Variants in ERC1 observed in about 807,000 individuals in gnomAD.
ERC1 encodes ELKS/RAB6-interacting/CAST family member 1.
Under a neutral mutation model 132.0 loss-of-function variants are expected in ERC1, and 56 were observed. The observed-to-expected ratio is 0.42, with a 90% CI of 0.34 to 0.53. The LOEUF (loss-of-function observed/expected upper bound fraction) is 0.53, where lower values mean the gene tolerates loss of function less well. Among genes scored for constraint, ERC1 ranks in the 20% least tolerant of loss-of-function variants. The pLI, the probability that ERC1 is intolerant of heterozygous loss-of-function variation, is 0.03. For synonymous variants in ERC1, 478 were observed against 476.1 expected (o/e 1.00, Z -0.05); for missense variants, 1,202 against 1,349.9 (o/e 0.89, Z 1.72).
intron 2 of ERC1, among the ~76,000 whole-genome samples, chr12:1,082,647 C>T (rs1222078437): frequency 4.0e-5 from 6 of 151,824 alleles, no homozygotes; most frequent in Non-Finnish European, 8.8e-5. Flanking sequence ...CACGCCACCA[C>T]GCCCGGCTAA....
chr12:1,267,264 G>A (rs953772403), intron 14 of ERC1, among the ~76,000 whole-genome samples: 3 of 152,122 alleles, frequency 2.0e-5, no homozygotes, highest in Non-Finnish European at 4.4e-5. Context: ...TTCCACGTGG[G>A]GATTCTATTT....
chr12:1,016,828 A>G (rs1483512237), intron 1 of ERC1, among the ~76,000 whole-genome samples: 1 of 147,840 alleles, frequency 6.8e-6, no homozygotes, highest in African/African-American at 2.5e-5. Context: ...GTTTTGTATT[A>G]TTAGTAGAGA....
rs536154740 is a variant in ERC1 at position 1,287,518 on chromosome 12, G to A, written c.2620-2334G>A. Among the ~76,000 whole-genome samples the A allele has an allele frequency of 6.6e-5, 10 of 152,298 alleles. No individual in the cohort carries two copies. In the East Asian group the frequency reaches 1.7e-3, roughly 26 times the overall value. On this transcript the variant is annotated intron_variant, in intron 14 of 18. Coordinates refer to ENST00000360905, the MANE Select transcript of ERC1 (RefSeq NM_178040.4). ...GGATTGCCCTCCCTGATGTGGGTGG[G>A]CCTTATCCAGTCAGTTAAAGGCCTG...
intron 8 of ERC1, among the ~76,000 whole-genome samples, chr12:1,173,348 A>G: frequency 6.6e-6 from 1 of 152,156 alleles, no homozygotes; most frequent in East Asian, 1.9e-4. Flanking sequence ...TGCTTCTGTA[A>G]TCTACCTCCC....
chr12:1,182,901 A>C (rs1426990577), intron 10 of ERC1, among the ~76,000 whole-genome samples: 1 of 152,158 alleles, frequency 6.6e-6, no homozygotes, highest in Admixed American at 6.5e-5. Flanking sequence ...TCCTGGCCTC[A>C]AGTGATCCCC....
intron 12 of ERC1, among the ~76,000 whole-genome samples, chr12:1,201,372 GT>G (rs1306619345): frequency 6.6e-6 from 1 of 152,102 alleles, no homozygotes; most frequent in Non-Finnish European, 1.5e-5. Flanking sequence ...GAATAAAATT[GT>G]TTTGTTGAAT....
At chr12:1,077,191 T>C (rs1565918656) in intron 2 of ERC1, among the ~76,000 whole-genome samples, 1 of 152,252 alleles carries the variant, frequency 6.6e-6, no homozygotes, top group East Asian at 1.9e-4. Flanking sequence ...TGATATATTT[T>C]GTTTGTAATC....
chr12:1,219,398 C>T (rs1259304134), intron 12 of ERC1, among the ~76,000 whole-genome samples: 8 of 152,174 alleles, frequency 5.3e-5, no homozygotes, highest in Non-Finnish European at 2.9e-5. Context: ...CTACCATTCA[C>T]TCATTGTGCA....
At chr12:1,050,716 A>G (rs1971800370) in intron 2 of ERC1, among the ~76,000 whole-genome samples, 1 of 152,224 alleles carries the variant, frequency 6.6e-6, no homozygotes, top group Non-Finnish European at 1.5e-5. Flanking sequence ...ATAAAAAATG[A>G]AAGTGTAAAT....
chr12:1,107,312 G>A (rs920070779), intron 4 of ERC1, among the ~76,000 whole-genome samples: 3 of 152,156 alleles, frequency 2.0e-5, no homozygotes, highest in African/African-American at 7.2e-5. Context: ...AAAGCAGAGC[G>A]AGTGATTGGG....
intron 2 of ERC1, among the ~76,000 whole-genome samples, chr12:1,034,422 A>T (rs1268340410): frequency 1.3e-5 from 2 of 151,986 alleles, no homozygotes; most frequent in South Asian, 2.1e-4. Context: ...AAAAATAAAT[A>T]AAAAAATAAA....
chr12:1,102,991 C>G (rs763248938), intron 3 of ERC1, among the ~76,000 whole-genome samples: 5 of 152,188 alleles, frequency 3.3e-5, no homozygotes, highest in Non-Finnish European at 5.9e-5. Flanking sequence ...TGCCACACTT[C>G]CTCCATGTAT....
chr12:1,009,290 T>C (rs545803596), intron 1 of ERC1, among the ~76,000 whole-genome samples: 1 of 152,052 alleles, frequency 6.6e-6, no homozygotes, highest in African/African-American at 2.4e-5. Context: ...TTCTCCTGCC[T>C]CAGCCTCCCG....
At chr12:1,474,198 A>G (rs1319081844) in intron 18 of ERC1, among the ~76,000 whole-genome samples, 2 of 152,198 alleles carry the variant, frequency 1.3e-5, no homozygotes, top group Admixed American at 6.5e-5. Flanking sequence ...CTCAGACCTC[A>G]TGGCCTGTGA....
intron 16 of ERC1, among the ~76,000 whole-genome samples, chr12:1,374,824 A>ATTTTTTTT (rs5795968): frequency 2.6e-4 from 33 of 124,546 alleles, no homozygotes; most frequent in South Asian, 1.9e-3. Context: ...ACAGGCTGGG[A>ATTTTTTTT]TTTTTTTTTT....
intron 15 of ERC1, among the ~76,000 whole-genome samples, chr12:1,360,401 C>G (rs888176300): frequency 6.6e-6 from 1 of 152,148 alleles, no homozygotes; most frequent in Non-Finnish European, 1.5e-5. Context: ...TTTACACTTA[C>G]TTCATTGGGG....
intron 15 of ERC1, among the ~76,000 whole-genome samples, chr12:1,290,856 C>T (rs192653839): frequency 2.5e-4 from 38 of 152,114 alleles, no homozygotes; most frequent in African/African-American, 8.9e-4. Context: ...CTTCATAAGG[C>T]CAGATTCTTC....
At chr12:1,104,668 C>A in intron 3 of ERC1, 82 bp from the exon 4 acceptor site, 1 of 928,234 alleles carries the variant, frequency 1.1e-6, no homozygotes, top group Non-Finnish European at 1.8e-6. Flanking sequence ...TGATCTTTTG[C>A]ATACATCGGC....
intron 15 of ERC1, among the ~76,000 whole-genome samples, chr12:1,326,569 G>A (rs2082458587): frequency 6.6e-6 from 1 of 152,178 alleles, no homozygotes; most frequent in Admixed American, 6.5e-5. Flanking sequence ...GAAGAATTTA[G>A]AACAGACTAG....
Sources: gnomAD v4.1 joint callset for allele counts (sites outside exome capture counted in the v4.1 genomes callset) on GRCh38, gnomAD v4.1.1 for gene constraint, MANE v1.5 for transcripts, NCBI Gene and HGNC (gene_info 2026-07-23, HGNC 2026-07-21) for gene names.